MAML3: variants seen among roughly 807,000 people sequenced by gnomAD.
The protein encoded by MAML3 is mastermind like transcriptional coactivator 3.
A neutral mutation model predicts 101.9 loss-of-function variants in MAML3; 27 were observed. The observed-to-expected ratio is 0.27, with a 90% CI of 0.20 to 0.37. The LOEUF (loss-of-function observed/expected upper bound fraction) is 0.37. Among genes scored for constraint, MAML3 ranks in the 10% least tolerant of loss-of-function variants. The pLI is 1.00. For missense variants in MAML3, 1,316 were observed against 1,444.9 expected, an observed-to-expected ratio of 0.91 and a Z score of 1.45; for synonymous variants, 501 against 555.9, an observed-to-expected ratio of 0.90 and a Z score of 1.39.
intron 2 of MAML3, among the ~76,000 whole-genome samples, chr4:139,823,444 G>T (rs947247539): frequency 2.6e-5 from 4 of 152,128 alleles, no homozygotes. Flanking sequence ...AGCAACAAAG[G>T]CCATGAACTG....
intron 1 of MAML3, among the ~76,000 whole-genome samples, chr4:140,144,840 G>GT (rs1362412162): frequency 1.3e-5 from 2 of 152,120 alleles, no homozygotes; most frequent in Non-Finnish European, 2.9e-5. Context: ...TCCATTCTAG[G>GT]TGATGCCTCC....
chr4:139,771,450 T>C (rs1441937530), intron 2 of MAML3, among the ~76,000 whole-genome samples: 1 of 152,242 alleles, frequency 6.6e-6, no homozygotes, highest in East Asian at 1.9e-4. Context: ...GGAAGCGGGA[T>C]AAGATTCTGT....
At chr4:139,895,721 T>C (rs1578652514) in intron 1 of MAML3, among the ~76,000 whole-genome samples, 1 of 152,236 alleles carries the variant, frequency 6.6e-6, no homozygotes, top group Non-Finnish European at 1.5e-5. Flanking sequence ...TTTTTTAATA[T>C]GAACAACAAA....
chr4:140,066,592 T>G (rs1727540439), intron 1 of MAML3, among the ~76,000 whole-genome samples: 1 of 152,186 alleles, frequency 6.6e-6, no homozygotes. Context: ...GGAATTCCAA[T>G]TTAGTTCAGA....
At chr4:139,728,839 T>C (rs955127428) in intron 3 of MAML3, among the ~76,000 whole-genome samples, 2 of 152,206 alleles carry the variant, frequency 1.3e-5, no homozygotes, top group African/African-American at 2.4e-5. Context: ...GGGAACACCC[T>C]TGGGCTGCAC....
chr4:140,136,335 G>C (rs1223187439), intron 1 of MAML3, among the ~76,000 whole-genome samples: 1 of 152,100 alleles, frequency 6.6e-6, no homozygotes, highest in Non-Finnish European at 1.5e-5. Flanking sequence ...AATAAGCCCA[G>C]TATATCCCAA....
chr4:139,853,477 G>T (rs1410971999), intron 2 of MAML3, among the ~76,000 whole-genome samples: 3 of 152,114 alleles, frequency 2.0e-5, no homozygotes, highest in African/African-American at 7.2e-5. Flanking sequence ...TGAGGATTAT[G>T]GAGATGGAGA....
intron 1 of MAML3, among the ~76,000 whole-genome samples, chr4:139,968,187 A>G (rs1734171862): frequency 6.6e-6 from 1 of 151,586 alleles, no homozygotes; most frequent in Admixed American, 6.6e-5. Flanking sequence ...GGCTTTATAC[A>G]ATGACATTTT....
At chr4:140,027,593 C>T (rs1400319318) in intron 1 of MAML3, among the ~76,000 whole-genome samples, 2 of 152,192 alleles carry the variant, frequency 1.3e-5, no homozygotes, top group Admixed American at 6.5e-5. Context: ...CTCTCTCGTT[C>T]GCGTCTACAA....
At chr4:140,002,464 T>C (rs1225108031) in intron 1 of MAML3, among the ~76,000 whole-genome samples, 1 of 152,232 alleles carries the variant, frequency 6.6e-6, no homozygotes, top group East Asian at 1.9e-4. Flanking sequence ...AATATGATTT[T>C]TAATAAGTCA....
At chr4:140,126,526 C>G (rs1253217022) in intron 1 of MAML3, among the ~76,000 whole-genome samples, 1 of 152,194 alleles carries the variant, frequency 6.6e-6, no homozygotes, top group Non-Finnish European at 1.5e-5. Flanking sequence ...CCTTTTTCAT[C>G]TCCTTTGAAG....
At chr4:139,853,323 G>A (rs1012621403) in intron 2 of MAML3, among the ~76,000 whole-genome samples, 26 of 152,188 alleles carry the variant, frequency 1.7e-4, no homozygotes, top group South Asian at 8.3e-4. Context: ...AACTAACCCT[G>A]CTGGGGATGC....
At chr4:140,088,169 G>A (rs1423246204) in intron 1 of MAML3, among the ~76,000 whole-genome samples, 3 of 151,600 alleles carry the variant, frequency 2.0e-5, no homozygotes, top group Non-Finnish European at 4.4e-5. Context: ...GGTGAGCTAC[G>A]ATCTCACCAC....
intron 2 of MAML3, among the ~76,000 whole-genome samples, chr4:139,742,595 T>C (rs1164045352): frequency 1.3e-5 from 2 of 152,246 alleles, no homozygotes; most frequent in African/African-American, 2.4e-5. Context: ...GTGGGGCCTA[T>C]ATTTTCAGCT....
At chr4:140,105,328 G>A (rs1048352125) in intron 1 of MAML3, among the ~76,000 whole-genome samples, 3 of 152,166 alleles carry the variant, frequency 2.0e-5, no homozygotes, top group East Asian at 1.9e-4. Context: ...TTTACCCAGC[G>A]GTGAATCCAG....
chr4:139,947,147 T>C (rs1441030645), intron 1 of MAML3, among the ~76,000 whole-genome samples: 2 of 152,140 alleles, frequency 1.3e-5, no homozygotes, highest in Non-Finnish European at 2.9e-5. Context: ...ACACATACAG[T>C]AGACATGAAA....
At chr4:140,095,237 G>C (rs1728137164) in intron 1 of MAML3, among the ~76,000 whole-genome samples, 1 of 152,136 alleles carries the variant, frequency 6.6e-6, no homozygotes, top group South Asian at 2.1e-4. Flanking sequence ...TCTATTCCCA[G>C]AAATCCCAGC....
At chr4:139,968,228 T>G (rs115691514) in intron 1 of MAML3, among the ~76,000 whole-genome samples, 1,678 of 149,332 alleles carry the variant, frequency 0.011, 16 homozygotes, top group Non-Finnish European at 0.018. Flanking sequence ...TGAGAATCAC[T>G]GAACCTCGGA....
intron 1 of MAML3, among the ~76,000 whole-genome samples, chr4:140,020,541 T>C (rs1726715818): frequency 6.6e-6 from 1 of 152,134 alleles, no homozygotes; most frequent in Admixed American, 6.5e-5. Context: ...AGTGTATAAA[T>C]ATATTACAGA....
Sources: gnomAD v4.1 joint callset for allele counts (sites outside exome capture counted in the v4.1 genomes callset) on GRCh38, gnomAD v4.1.1 for gene constraint, MANE v1.5 for transcripts, NCBI Gene and HGNC (gene_info 2026-07-23, HGNC 2026-07-21) for gene names.